The following SCHIP1 variants were observed in gnomAD, a reference collection of about 807,000 sequenced individuals.
SCHIP1 encodes the protein schwannomin-interacting protein 1.
SCHIP1 carries 8 observed loss-of-function variants against 29.7 expected under a neutral mutation model. That is an observed-to-expected ratio of 0.27 (90% CI 0.16 to 0.49). The LOEUF (loss-of-function observed/expected upper bound fraction) is 0.49. Among genes scored for constraint, SCHIP1 ranks in the 20% least tolerant of loss-of-function variants. The pLI, the probability that SCHIP1 is intolerant of heterozygous loss-of-function variation, is 0.99. For missense variants in SCHIP1, 193 were observed against 294.6 expected (o/e 0.66, Z 2.52); for synonymous variants, 76 against 94.9 (o/e 0.80, Z 1.16).
the SCHIP1 span, among the ~76,000 whole-genome samples, chr3:159,565,173 C>T: frequency 4.3e-4 from 65 of 152,272 alleles, no homozygotes; most frequent in Middle Eastern, 6.8e-3. Flanking sequence ...GTGCTCAGCT[C>T]ATAGGTAGGG....
the SCHIP1 span, among the ~76,000 whole-genome samples, chr3:159,655,637 C>T: frequency 3.4e-3 from 514 of 152,302 alleles, 1 homozygote; most frequent in Non-Finnish European, 5.3e-3. Context: ...CACCTGTAAT[C>T]CCAGCACTTT....
At chr3:159,764,965 G>A in the SCHIP1 span, 14 of 1,490,730 alleles carry the variant, frequency 9.4e-6, no homozygotes, top group South Asian at 1.7e-4. The surrounding 1 kb of genome is among the most constrained non-coding windows in gnomAD (Gnocchi z 6.1). Flanking sequence ...CAGTGGCCGC[G>A]GCCCGGCGGC....
At chr3:159,326,789 A>C in the SCHIP1 span, among the ~76,000 whole-genome samples, 2 of 152,162 alleles carry the variant, frequency 1.3e-5, no homozygotes, top group Non-Finnish European at 2.9e-5. Flanking sequence ...ATAGATTTGC[A>C]CTGGGTACTT....
chr3:159,673,682 C>T, the SCHIP1 span, among the ~76,000 whole-genome samples: 8 of 152,180 alleles, frequency 5.3e-5, no homozygotes, highest in Non-Finnish European at 8.8e-5. Flanking sequence ...TCTAGAAATG[C>T]GTAAGCCAGC....
At chr3:159,491,514 A>G in the SCHIP1 span, among the ~76,000 whole-genome samples, 10 of 152,282 alleles carry the variant, frequency 6.6e-5, no homozygotes, top group African/African-American at 2.4e-4. Flanking sequence ...TTGCTAGCAC[A>G]GCAGTCTGAG....
the SCHIP1 span, among the ~76,000 whole-genome samples, chr3:159,608,130 G>A: frequency 2.2e-4 from 33 of 152,278 alleles, no homozygotes; most frequent in African/African-American, 6.5e-4. Context: ...CAATGTGATC[G>A]TTATGGACAT....
the SCHIP1 span, among the ~76,000 whole-genome samples, chr3:159,626,104 AG>A: frequency 8.9e-6 from 1 of 112,982 alleles, no homozygotes; most frequent in Admixed American, 7.8e-5. Context: ...ATAGATAGAT[AG>A]ATAGATAGAT....
At chr3:159,817,764 G>C in the SCHIP1 span, among the ~76,000 whole-genome samples, 2 of 152,066 alleles carry the variant, frequency 1.3e-5, no homozygotes, top group Non-Finnish European at 2.9e-5. Context: ...TCCTCATTGT[G>C]CTTTTGTCGC....
At chr3:159,496,109 T>A in the SCHIP1 span, among the ~76,000 whole-genome samples, 3 of 152,168 alleles carry the variant, frequency 2.0e-5, no homozygotes, top group African/African-American at 4.8e-5. Context: ...TAATTCAAGA[T>A]GGATTAAAGA....
chr3:159,465,530 A>G, the SCHIP1 span, among the ~76,000 whole-genome samples: 2 of 152,096 alleles, frequency 1.3e-5, no homozygotes, highest in African/African-American at 4.8e-5. Flanking sequence ...GCTTCTAGTA[A>G]ATAGATCTTG....
chr3:159,281,436 T>C, the SCHIP1 span, among the ~76,000 whole-genome samples: 1 of 152,202 alleles, frequency 6.6e-6, no homozygotes, highest in Non-Finnish European at 1.5e-5. Context: ...ATTTAAAAAA[T>C]AATATGCTTT....
the SCHIP1 span, among the ~76,000 whole-genome samples, chr3:159,633,154 G>A: frequency 6.6e-6 from 1 of 152,110 alleles, no homozygotes; most frequent in South Asian, 2.1e-4. Flanking sequence ...TGAACTAAGG[G>A]TTGGGACACA....
the SCHIP1 span, among the ~76,000 whole-genome samples, chr3:159,691,041 T>C: frequency 6.6e-6 from 1 of 152,208 alleles, no homozygotes; most frequent in Admixed American, 6.5e-5. Flanking sequence ...ATAAGTGATA[T>C]GTGGTGCTGA....
the SCHIP1 span, among the ~76,000 whole-genome samples, chr3:159,580,265 G>T: frequency 5.3e-5 from 8 of 152,264 alleles, no homozygotes; most frequent in African/African-American, 1.7e-4. Flanking sequence ...GGAATCTGCA[G>T]GGAGCAGCCT....
At chr3:159,484,048 G>A in the SCHIP1 span, among the ~76,000 whole-genome samples, 3 of 152,140 alleles carry the variant, frequency 2.0e-5, no homozygotes, top group East Asian at 3.9e-4. Flanking sequence ...AACTAAGAGA[G>A]TTCCAAAGAG....
the SCHIP1 span, among the ~76,000 whole-genome samples, chr3:159,452,257 C>A: frequency 1.3e-5 from 2 of 151,676 alleles, no homozygotes; most frequent in Non-Finnish European, 2.9e-5. Flanking sequence ...GGTTTTAAGC[C>A]CCACATGAAT....
At chr3:159,302,327 T>A in the SCHIP1 span, among the ~76,000 whole-genome samples, 1 of 140,582 alleles carries the variant, frequency 7.1e-6, no homozygotes, top group Non-Finnish European at 1.5e-5. Flanking sequence ...CATATTGCAA[T>A]AAGTTTATTG....
chr3:159,543,635 G>C, the SCHIP1 span, among the ~76,000 whole-genome samples: 1 of 151,606 alleles, frequency 6.6e-6, no homozygotes, highest in East Asian at 2.0e-4. Context: ...CATTTGGGTT[G>C]GTTCCAAGTC....
chr3:159,282,938 T>C, the SCHIP1 span, among the ~76,000 whole-genome samples: 1 of 151,910 alleles, frequency 6.6e-6, no homozygotes, highest in Admixed American at 6.6e-5. Context: ...TCATTCCAGA[T>C]AAACTCTACA....
Sources: allele counts gnomAD v4.1 joint callset (sites outside exome capture counted in the v4.1 genomes callset), GRCh38; gene constraint gnomAD v4.1.1; non-coding constraint Gnocchi (gnomAD v3.1); transcripts MANE v1.5; gene names NCBI Gene and HGNC (gene_info 2026-07-23, HGNC 2026-07-21).